TENT5D: variants seen among roughly 807,000 people sequenced by gnomAD.
TENT5D encodes the protein terminal nucleotidyltransferase 5D.
For missense variants in TENT5D, 191 were observed against 287.0 expected (o/e 0.67, Z 2.42); for synonymous variants, 103 against 100.6 (o/e 1.02, Z -0.15).
intron 1 of TENT5D, among the ~76,000 whole-genome samples, chrX:80,421,159 C>G (rs765599838): frequency 9.0e-6 from 1 of 110,946 alleles, no homozygotes; most frequent in Admixed American, 9.6e-5. Context: ...TTAAAGCACT[C>G]ATGTCTTATC....
At chrX:80,376,845 C>A (rs1274652500) in intron 3 of TENT5D, among the ~76,000 whole-genome samples, 1 of 111,284 alleles carries the variant, frequency 9.0e-6, no homozygotes, top group East Asian at 2.8e-4. Flanking sequence ...TCCATTTTAG[C>A]ACTCATAATA....
chrX:80,394,974 TC>T (rs969782206), intron 3 of TENT5D, among the ~76,000 whole-genome samples: 16 of 111,706 alleles, frequency 1.4e-4, no homozygotes, highest in Non-Finnish European at 3.0e-4. Flanking sequence ...ATTTCTCCTA[TC>T]TAATTGTAAC....
intron 3 of TENT5D, among the ~76,000 whole-genome samples, chrX:80,360,379 C>A (rs1371466272): frequency 9.0e-6 from 1 of 111,605 alleles, no homozygotes; most frequent in Non-Finnish European, 1.9e-5. Context: ...GGCATTTAAA[C>A]CAAAATAAGT....
intron 2 of TENT5D, among the ~76,000 whole-genome samples, chrX:80,336,915 G>A (rs1438513923): frequency 8.9e-6 from 1 of 112,108 alleles, no homozygotes; most frequent in Non-Finnish European, 1.9e-5. Flanking sequence ...AAGACGAATC[G>A]TAGCCTGTGC....
chrX:80,406,078 TCCAC>T (rs1157919087), intron 3 of TENT5D, among the ~76,000 whole-genome samples: 16 of 109,358 alleles, frequency 1.5e-4, no homozygotes, highest in Admixed American at 1.3e-3. Flanking sequence ...AGAAAGGACA[TCCAC>T]ACCAAAAACC....
chrX:80,372,429 C>A (rs1266572523), intron 3 of TENT5D, among the ~76,000 whole-genome samples: 1 of 111,737 alleles, frequency 8.9e-6, no homozygotes, highest in Non-Finnish European at 1.9e-5. Flanking sequence ...TGTGTGTAAG[C>A]ATTGTGTGTA....
At chrX:80,385,011 C>G (rs372462460) in intron 3 of TENT5D, among the ~76,000 whole-genome samples, 16 of 111,125 alleles carry the variant, frequency 1.4e-4, no homozygotes, top group African/African-American at 2.9e-4. Flanking sequence ...GTAATTTATA[C>G]ATTCAATGCC....
chrX:80,431,502 A>G (rs1932088781), intron 1 of TENT5D, among the ~76,000 whole-genome samples: 2 of 111,942 alleles, frequency 1.8e-5, no homozygotes, highest in African/African-American at 6.5e-5. Flanking sequence ...GCAGAAGAAA[A>G]TTGTGTATTA....
chrX:80,397,036 C>G (rs1485194529), intron 3 of TENT5D, among the ~76,000 whole-genome samples: 2 of 96,731 alleles, frequency 2.1e-5, no homozygotes, highest in Non-Finnish European at 4.2e-5. Context: ...GGGGCTGACC[C>G]CCACCTCCCT....
At position 80,412,896 on chromosome X, in the gene TENT5D, G is replaced by A. The variant is rs1348317444; in HGVS notation, c.-141-25714G>A. Among the ~76,000 whole-genome samples, 5 of 111,223 alleles carry A rather than the reference G, an allele frequency of 4.5e-5. No individual in the cohort carries two copies. The Admixed American group carries it at 4.8e-4, about 11-fold the overall frequency. ...GTGGATTCCAGGTTTTCCTAAGTAA[G>A]AACATTAAAATTAGATAAATGTGGG... On this transcript the variant is annotated intron_variant, in intron 3 of 4. Transcript: ENST00000538312.
chrX:80,408,140 G>C (rs1431260324), intron 3 of TENT5D, among the ~76,000 whole-genome samples: 1 of 109,000 alleles, frequency 9.2e-6, no homozygotes, highest in Non-Finnish European at 1.9e-5. Context: ...ATGCCCACAG[G>C]AGAAAGCAGG....
chrX:80,408,699 AACT>A (rs1338408998), intron 3 of TENT5D, among the ~76,000 whole-genome samples: 5 of 111,363 alleles, frequency 4.5e-5, no homozygotes, highest in Admixed American at 9.5e-5. Context: ...TTCCTTCTGA[AACT>A]ATTCCAATCA....
chrX:80,407,581 G>A (rs1274029585), intron 3 of TENT5D, among the ~76,000 whole-genome samples: 4 of 105,894 alleles, frequency 3.8e-5, no homozygotes, highest in African/African-American at 1.4e-4. Context: ...CCCAATACAG[G>A]AGCACCCCGA....
At chrX:80,425,040 CT>C in intron 1 of TENT5D, among the ~76,000 whole-genome samples, 1 of 112,442 alleles carries the variant, frequency 8.9e-6, no homozygotes, top group Admixed American at 9.4e-5. Flanking sequence ...TTCCAAGGGG[CT>C]TTTTTTGGCT....
At chrX:80,338,190 A>G (rs919470181) in intron 2 of TENT5D, among the ~76,000 whole-genome samples, 1 of 111,851 alleles carries the variant, frequency 8.9e-6, no homozygotes, top group African/African-American at 3.2e-5. Context: ...TGTTTCACCT[A>G]AATAGGTTGC....
chrX:80,349,985 T>C (rs1052377751), intron 3 of TENT5D, among the ~76,000 whole-genome samples: 2 of 111,719 alleles, frequency 1.8e-5, no homozygotes, highest in African/African-American at 3.3e-5. Context: ...TAATCCTGAG[T>C]TCTAATTTGA....
At chrX:80,382,170 C>A (rs770867251) in intron 3 of TENT5D, among the ~76,000 whole-genome samples, 2 of 112,014 alleles carry the variant, frequency 1.8e-5, no homozygotes, top group East Asian at 5.7e-4. Flanking sequence ...GATGTTGATG[C>A]TATTCCTTTC....
chrX:80,384,633 T>A (rs1930951959), intron 3 of TENT5D, among the ~76,000 whole-genome samples: 1 of 99,784 alleles, frequency 1.0e-5, no homozygotes, highest in Admixed American at 1.2e-4. Flanking sequence ...GGAAGTCAAA[T>A]TGTCCCTGTT....
intron 1 of TENT5D, among the ~76,000 whole-genome samples, chrX:80,437,601 T>C (rs979086938): frequency 3.6e-5 from 4 of 111,723 alleles, no homozygotes; most frequent in African/African-American, 1.3e-4. Flanking sequence ...ACTATTTTTT[T>C]CTGAAATAGG....
Sources: allele counts gnomAD v4.1 joint callset (sites outside exome capture counted in the v4.1 genomes callset), GRCh38; gene constraint gnomAD v4.1.1; transcripts MANE v1.5; gene names NCBI Gene and HGNC (gene_info 2026-07-23, HGNC 2026-07-21).